The following MAP4K3 variants were observed in gnomAD, a reference collection of about 807,000 sequenced individuals.
The protein encoded by MAP4K3 is MAPK/ERK kinase kinase kinase 3.
Under a neutral mutation model 143.5 loss-of-function variants are expected in MAP4K3, and 94 were observed. That is an observed-to-expected ratio of 0.65 (90% CI 0.55 to 0.78). The LOEUF (loss-of-function observed/expected upper bound fraction) is 0.78. MAP4K3 is among the 30% of genes least tolerant of loss of function. The pLI is 0.00. For missense variants in MAP4K3, 1,077 were observed against 1,068.1 expected (o/e 1.01, Z -0.12); for synonymous variants, 416 against 347.2 (o/e 1.20, Z -2.20).
chr2:39,260,859 T>A lies in MAP4K3; in HGVS notation c.2137-82A>T, dbSNP rs529146788. On this transcript the variant is annotated intron_variant, in intron 28 of 33. Transcript: ENST00000263881. ...ATGAGAATACTATAAAACAGCTTTCTACAATAAAGACTGCATCTTGTCACA... is the reference window on the plus strand; with the variant it reads ...ATGAGAATACTATAAAACAGCTTTCAACAATAAAGACTGCATCTTGTCACA... The A allele has an allele frequency of 5.6e-5, 51 of 909,858 alleles. No individual in the cohort carries two copies. In the East Asian group the frequency reaches 1.3e-3, roughly 24 times the overall value. The allele number at this position is 909,858 out of a possible 1,614,324, so 56.4% of individuals were successfully genotyped here.
intron 1 of MAP4K3, among the ~76,000 whole-genome samples, chr2:39,401,519 G>T (rs1558335285): frequency 6.6e-6 from 1 of 152,140 alleles, no homozygotes; most frequent in Non-Finnish European, 1.5e-5. Flanking sequence ...TACCTGCAAG[G>T]CCAGGCGCTG....
At chr2:39,416,350 G>C (rs1191061024) in intron 1 of MAP4K3, among the ~76,000 whole-genome samples, 2 of 152,054 alleles carry the variant, frequency 1.3e-5, no homozygotes, top group African/African-American at 2.4e-5. Flanking sequence ...TTCTTGACTT[G>C]ATCGGCAGCC....
chr2:39,301,806 T>TGAGGTCAGGAGGTC (rs1682521616), intron 15 of MAP4K3, among the ~76,000 whole-genome samples: 1 of 152,142 alleles, frequency 6.6e-6, no homozygotes, highest in African/African-American at 2.4e-5. Flanking sequence ...GGGCGGATCA[T>TGAGGTCAGGAGGTC]GAGGTCAGGA....
At chr2:39,330,719 G>C (rs535065140) in intron 8 of MAP4K3, among the ~76,000 whole-genome samples, 3 of 152,116 alleles carry the variant, frequency 2.0e-5, no homozygotes, top group South Asian at 2.1e-4. Flanking sequence ...TTATGGTATA[G>C]AAAATTATAC....
intron 12 of MAP4K3, among the ~76,000 whole-genome samples, chr2:39,317,520 G>A (rs114936676): frequency 6.6e-6 from 1 of 151,972 alleles, no homozygotes; most frequent in Non-Finnish European, 1.5e-5. Context: ...GCATTTGACC[G>A]AGATCTAATA....
At chr2:39,392,266 G>A (rs1027714895) in intron 1 of MAP4K3, among the ~76,000 whole-genome samples, 10 of 151,330 alleles carry the variant, frequency 6.6e-5, no homozygotes, top group Admixed American at 5.9e-4. Flanking sequence ...GTATCCCTGG[G>A]GAATGAAGAC....
At chr2:39,416,839 T>C (rs1345037285) in intron 1 of MAP4K3, among the ~76,000 whole-genome samples, 1 of 152,238 alleles carries the variant, frequency 6.6e-6, no homozygotes, top group African/African-American at 2.4e-5. Context: ...GTATGGAGTC[T>C]GGAGGCAAAC....
At position 39,337,391 on chromosome 2, in the gene MAP4K3, C is replaced by T. The variant is rs1028243554; in HGVS notation, c.366+135G>A. On this transcript the variant is annotated intron_variant, in intron 5 of 33. Transcript: ENST00000263881. Reference sequence around the variant, plus strand: ...TAATTTGAGTTCATTACACAATTTTCAAATGTATTAAAACTCATTTTAAGA... The same window carrying T: ...TAATTTGAGTTCATTACACAATTTTTAAATGTATTAAAACTCATTTTAAGA... 4 of 549,222 alleles carry T rather than the reference C, an allele frequency of 7.3e-6. No individual in the cohort carries two copies. The African/African-American group carries it at 7.8e-5, about 11-fold the overall frequency. The allele number at this position is 549,222 out of a possible 1,614,324, so 34.0% of individuals were successfully genotyped here. A position where few individuals can be genotyped will look rare whatever the true frequency, so the allele number is the denominator to read the frequency against.
intron 16 of MAP4K3, among the ~76,000 whole-genome samples, chr2:39,295,129 T>C (rs1247229944): frequency 6.6e-6 from 1 of 152,012 alleles, no homozygotes; most frequent in African/African-American, 2.4e-5. Flanking sequence ...AAAATGTTAT[T>C]AGTGGACCTC....
intron 13 of MAP4K3, 28 bp from the exon 14 acceptor site, chr2:39,309,547 G>GTTTTT (rs750944508): frequency 3.2e-6 from 2 of 620,298 alleles, no homozygotes; most frequent in Non-Finnish European, 5.2e-6. Context: ...GTAAAACCAG[G>GTTTTT]ATTTTTTTTT....
intron 3 of MAP4K3, among the ~76,000 whole-genome samples, chr2:39,354,233 G>C (rs1665540956): frequency 6.6e-6 from 1 of 152,070 alleles, no homozygotes; most frequent in South Asian, 2.1e-4. Flanking sequence ...CACGAGGTCA[G>C]GAGATCGAGA....
chr2:39,370,646 G>A (rs919863510), intron 2 of MAP4K3, among the ~76,000 whole-genome samples: 2 of 152,022 alleles, frequency 1.3e-5, no homozygotes, highest in African/African-American at 2.4e-5. Context: ...TTGCTCTCAC[G>A]GAAACAAAGC....
chr2:39,365,295 CG>C (rs1214103188), intron 2 of MAP4K3, among the ~76,000 whole-genome samples: 2 of 152,004 alleles, frequency 1.3e-5, no homozygotes, highest in Non-Finnish European at 2.9e-5. Flanking sequence ...ATGAGGATGT[CG>C]GAGTCTCATT....
chr2:39,343,324 T>C (rs748843599), intron 4 of MAP4K3, 64 bp downstream of exon 4: 3 of 1,060,168 alleles, frequency 2.8e-6, no homozygotes, highest in East Asian at 2.4e-5. Context: ...TGTTTTAATA[T>C]AGTAAATAGC....
At chr2:39,356,041 A>T (rs1244801137) in intron 3 of MAP4K3, 1 of 441,050 alleles carries the variant, frequency 2.3e-6, no homozygotes, top group Non-Finnish European at 4.0e-6. Flanking sequence ...CACTAAAAGC[A>T]CATCTAGAAT....
intron 15 of MAP4K3, among the ~76,000 whole-genome samples, chr2:39,301,771 C>T (rs1000306536): frequency 3.3e-5 from 5 of 152,130 alleles, no homozygotes; most frequent in African/African-American, 1.2e-4. Context: ...CACCTGTAAT[C>T]CCAGCACTTC....
rs549419124 is a variant in MAP4K3 at position 39,402,738 on chromosome 2, G to C, written c.97-24615C>G. Among the ~76,000 whole-genome samples the C allele has an allele frequency of 1.1e-4, 16 of 151,188 alleles. No homozygotes were observed. In the South Asian group the frequency reaches 3.4e-3, roughly 32 times the overall value. On this transcript the variant is annotated intron_variant, in intron 1 of 33. Transcript: ENST00000263881. ...CTTTGAGAAAAATCAATAAAATTAA[G>C]GCTCTGTTACCTCTAAGAAGATAAA... is the stretch of plus-strand genomic sequence containing the variant.
intron 2 of MAP4K3, among the ~76,000 whole-genome samples, chr2:39,361,661 A>C (rs1386196732): frequency 6.6e-6 from 1 of 151,512 alleles, no homozygotes; most frequent in African/African-American, 2.4e-5. Flanking sequence ...CTTGCTTTTA[A>C]AATCTTTAAA....
chr2:39,354,954 C>G (rs1439939905), intron 3 of MAP4K3, among the ~76,000 whole-genome samples: 2 of 151,932 alleles, frequency 1.3e-5, no homozygotes, highest in East Asian at 3.9e-4. Context: ...TTTTTTAATA[C>G]ATAGGGAAGG....
Sources: allele counts gnomAD v4.1 joint callset (sites outside exome capture counted in the v4.1 genomes callset), GRCh38; gene constraint gnomAD v4.1.1; transcripts MANE v1.5; gene names NCBI Gene and HGNC (gene_info 2026-07-23, HGNC 2026-07-21).